Variants in FAM227B observed in about 807,000 individuals in gnomAD.
The protein encoded by FAM227B is protein FAM227B.
In FAM227B, 88 loss-of-function variants were observed where a neutral mutation model predicts 73.8. The ratio of observed to expected loss-of-function variants is 1.19; its 90% CI spans 1.00 to 1.42. FAM227B has a LOEUF of 1.42. Among genes scored for constraint, FAM227B ranks in the 40% most tolerant of loss-of-function variants. The pLI is 0.00. For synonymous variants in FAM227B, 210 were observed against 190.5 expected (o/e 1.10, Z -0.84); for missense variants, 632 against 590.9 (o/e 1.07, Z -0.72).
intron 11 of FAM227B, among the ~76,000 whole-genome samples, chr15:49,491,131 A>G (rs2057052665): frequency 6.6e-6 from 1 of 151,936 alleles, no homozygotes; most frequent in Non-Finnish European, 1.5e-5. Context: ...TAAATCACCA[A>G]CACTCAGCTA....
At chr15:49,559,223 CAG>C (rs1190867765) in intron 9 of FAM227B, among the ~76,000 whole-genome samples, 2 of 152,146 alleles carry the variant, frequency 1.3e-5, no homozygotes, top group African/African-American at 4.8e-5. Context: ...CAACTCCCTG[CAG>C]AGTCTTTAGT....
chr15:49,375,169 A>G (rs2046079630), intron 11 of FAM227B, among the ~76,000 whole-genome samples: 1 of 152,192 alleles, frequency 6.6e-6, no homozygotes. Context: ...CTTCACAGAG[A>G]GATTATACAG....
At position 49,467,331 on chromosome 15, in the gene FAM227B, G is replaced by A. The variant is rs181696212; in HGVS notation, c.1012+40880C>T. Among the ~76,000 whole-genome samples the A allele has an allele frequency of 2.5e-3, 373 of 152,082 alleles. 1 individual carries two copies. Among genetic ancestry groups the A allele is most frequent in the Middle Eastern group, 6.8e-3 (2 of 294 alleles). On this transcript the variant is annotated intron_variant, in intron 11 of 15. Transcript: ENST00000299338. ...TCAATTTCACTCTTAGTGCCCTTGT[G>A]ATCACTTTCTTCTAGCCCCATCAAA...
intron 11 of FAM227B, among the ~76,000 whole-genome samples, chr15:49,398,030 C>A (rs1382190133): frequency 6.6e-6 from 1 of 152,076 alleles, no homozygotes; most frequent in Non-Finnish European, 1.5e-5. Flanking sequence ...ACTAAATGCT[C>A]CAATTAAAAG....
At chr15:49,493,919 A>G (rs899774321) in intron 11 of FAM227B, among the ~76,000 whole-genome samples, 3 of 151,426 alleles carry the variant, frequency 2.0e-5, no homozygotes, top group Non-Finnish European at 2.9e-5. Context: ...TGTGTAGTCA[A>G]TAGTACAGTG....
chr15:49,454,036 G>T (rs941367797), intron 11 of FAM227B, among the ~76,000 whole-genome samples: 1 of 152,090 alleles, frequency 6.6e-6, no homozygotes, highest in East Asian at 1.9e-4. Context: ...AGTTTATATG[G>T]CTGGGGAGGC....
At chr15:49,350,230 T>C (rs561379201) in intron 13 of FAM227B, among the ~76,000 whole-genome samples, 2 of 152,334 alleles carry the variant, frequency 1.3e-5, no homozygotes, top group East Asian at 3.9e-4. Flanking sequence ...ATATGGTTAA[T>C]GAGCACTTAA....
chr15:49,389,775 T>C (rs2047093966), intron 11 of FAM227B, among the ~76,000 whole-genome samples: 1 of 152,056 alleles, frequency 6.6e-6, no homozygotes, highest in Non-Finnish European at 1.5e-5. Context: ...ATCCCTTTCT[T>C]TAGGAAAGCT....
chr15:49,587,960 T>C, intron 5 of FAM227B, 56 bp downstream of exon 5: 1 of 1,336,200 alleles, frequency 7.5e-7, no homozygotes, highest in Admixed American at 3.0e-5. Context: ...AATGTAGTGT[T>C]TATATTTTCT....
chr15:49,470,093 T>C (rs1301911559), intron 11 of FAM227B, among the ~76,000 whole-genome samples: 2 of 152,130 alleles, frequency 1.3e-5, no homozygotes, highest in Non-Finnish European at 2.9e-5. Context: ...GACATTCTAA[T>C]GTTGCTCCAT....
At chr15:49,473,407 G>A (rs989666653) in intron 11 of FAM227B, among the ~76,000 whole-genome samples, 9 of 151,934 alleles carry the variant, frequency 5.9e-5, no homozygotes, top group African/African-American at 1.5e-4. Context: ...TCCAAAATTC[G>A]CTTTTATTTT....
intron 13 of FAM227B, among the ~76,000 whole-genome samples, chr15:49,347,307 G>T (rs1402806295): frequency 6.6e-6 from 1 of 152,202 alleles, no homozygotes; most frequent in East Asian, 1.9e-4. Context: ...CAACATTTTT[G>T]AAGTAGGAGA....
rs544984809 is a variant in FAM227B at position 49,616,916 on chromosome 15, G to A, written c.-72-1673C>T. Among the ~76,000 whole-genome samples the A allele has an allele frequency of 4.6e-5, 7 of 151,990 alleles. No homozygotes were observed. In the South Asian group the frequency reaches 1.5e-3, roughly 32 times the overall value. ...TGAAATTTGTACTTTTCTTTATCTT[G>A]GTCAGTCTATCTAAAGGCTTATCAA... On this transcript the variant is annotated intron_variant, in intron 1 of 15. Transcript: ENST00000299338.
At chr15:49,435,122 G>T (rs1436867132) in intron 11 of FAM227B, among the ~76,000 whole-genome samples, 1 of 151,410 alleles carries the variant, frequency 6.6e-6, no homozygotes, top group Non-Finnish European at 1.5e-5. Context: ...GGTACATGGG[G>T]AAAAGGCATA....
intron 11 of FAM227B, among the ~76,000 whole-genome samples, chr15:49,376,389 T>C (rs1003375888): frequency 2.6e-5 from 4 of 152,146 alleles, no homozygotes; most frequent in African/African-American, 7.2e-5. Context: ...TCTTTTTACA[T>C]TGAATGGTCT....
chr15:49,571,890 CA>C (rs2152363368), intron 8 of FAM227B, among the ~76,000 whole-genome samples: 1 of 152,048 alleles, frequency 6.6e-6, no homozygotes, highest in Non-Finnish European at 1.5e-5. Flanking sequence ...GTTTAAACAT[CA>C]CTGGAATTTT....
At chr15:49,462,791 G>A (rs1179607379) in intron 11 of FAM227B, among the ~76,000 whole-genome samples, 2 of 152,120 alleles carry the variant, frequency 1.3e-5, no homozygotes, top group Non-Finnish European at 2.9e-5. Context: ...TTAGACTAGT[G>A]AAGACTTTGG....
chr15:49,374,716 C>A (rs945786113), intron 11 of FAM227B, among the ~76,000 whole-genome samples: 1 of 152,072 alleles, frequency 6.6e-6, no homozygotes, highest in African/African-American at 2.4e-5. Flanking sequence ...CTGATTTTTA[C>A]TATTTTTAGT....
At chr15:49,362,409 C>A (rs181370287) in intron 13 of FAM227B, among the ~76,000 whole-genome samples, 1 of 152,184 alleles carries the variant, frequency 6.6e-6, no homozygotes, top group African/African-American at 2.4e-5. Context: ...TCCTGTTAAA[C>A]CTGCAGAACT....
Sources: gnomAD v4.1 joint callset for allele counts (sites outside exome capture counted in the v4.1 genomes callset) on GRCh38, gnomAD v4.1.1 for gene constraint, MANE v1.5 for transcripts, NCBI Gene and HGNC (gene_info 2026-07-23, HGNC 2026-07-21) for gene names.